The following GRIA4 variants were observed in gnomAD, a reference collection of about 807,000 sequenced individuals.
GRIA4 encodes the protein glutamate receptor 4.
A neutral mutation model predicts 104.0 loss-of-function variants in GRIA4; 34 were observed. The ratio of observed to expected loss-of-function variants is 0.33; its 90% CI spans 0.25 to 0.44. GRIA4 has a LOEUF of 0.44. Among genes scored for constraint, GRIA4 ranks in the 20% least tolerant of loss-of-function variants. The pLI is 1.00. For synonymous variants in GRIA4, 386 were observed against 381.9 expected, an observed-to-expected ratio of 1.01 and a Z score of -0.13; for missense variants, 750 against 1,096.5, an observed-to-expected ratio of 0.68 and a Z score of 4.46.
intron 14 of GRIA4, among the ~76,000 whole-genome samples, chr11:105,962,936 T>A (rs1017552524): frequency 1.3e-5 from 2 of 152,154 alleles, no homozygotes; most frequent in Admixed American, 6.5e-5. Context: ...GCTTGGCAGA[T>A]CACTATTACA....
At chr11:105,620,463 T>C (rs1339341581) in intron 3 of GRIA4, among the ~76,000 whole-genome samples, 1 of 151,858 alleles carries the variant, frequency 6.6e-6, no homozygotes, top group Non-Finnish European at 1.5e-5. Context: ...CTGCCATTCA[T>C]ACCACAGCAT....
At chr11:105,970,877 G>A (rs1230865623) in intron 14 of GRIA4, among the ~76,000 whole-genome samples, 1 of 152,158 alleles carries the variant, frequency 6.6e-6, no homozygotes, top group Non-Finnish European at 1.5e-5. Flanking sequence ...ATTGTAATAT[G>A]GGAGTGAAAA....
chr11:105,943,423 T>A (rs1161919419), intron 14 of GRIA4, among the ~76,000 whole-genome samples: 1 of 152,048 alleles, frequency 6.6e-6, no homozygotes, highest in Non-Finnish European at 1.5e-5. Flanking sequence ...CTTGTTTTGA[T>A]TTTTTTAGAA....
intron 3 of GRIA4, among the ~76,000 whole-genome samples, chr11:105,750,483 C>G (rs538456520): frequency 1.3e-5 from 2 of 152,066 alleles, no homozygotes; most frequent in South Asian, 4.1e-4. Context: ...GGAAGAATGA[C>G]AGACAACTAT....
At chr11:105,973,395 T>C (rs567319307) in intron 15 of GRIA4, among the ~76,000 whole-genome samples, 1 of 152,228 alleles carries the variant, frequency 6.6e-6, no homozygotes, top group East Asian at 1.9e-4. Context: ...TTGTTACAAT[T>C]TTAGTATCTT....
chr11:105,770,873 G>A (rs1941177200), intron 4 of GRIA4, among the ~76,000 whole-genome samples: 1 of 151,934 alleles, frequency 6.6e-6, no homozygotes, highest in East Asian at 1.9e-4. Flanking sequence ...CTGAACATTC[G>A]TCCATCCATT....
chr11:105,634,696 T>C (rs1056612475), intron 3 of GRIA4, among the ~76,000 whole-genome samples: 1 of 152,192 alleles, frequency 6.6e-6, no homozygotes, highest in African/African-American at 2.4e-5. Context: ...GATTTTTACC[T>C]ATTTAACTAA....
chr11:105,926,863 G>C lies in GRIA4; in HGVS notation c.1970G>C (p.Ser657Thr). Residue 657 changes from serine to threonine, a missense_variant, in exon 13 of 17, where the codon AGT (serine) becomes ACT (threonine). Physicochemically the swap from Ser to Thr is moderately conservative, Grantham distance 58. Transcript: ENST00000282499. ...TVERMVSPIESAEDLAKQTEI... is the reference protein window; with the variant it reads ...TVERMVSPIETAEDLAKQTEI... ...GAGCGAATGGTCTCTCCCATAGAAA[G>C]TGCAGAAGACCTGGCCAAACAAACA... The C allele has an allele frequency of 6.2e-7, 1 of 1,611,988 alleles. No individual in the cohort carries two copies. The highest frequency in any genetic ancestry group is 8.5e-7 in the Non-Finnish European group (1 of 1,178,440).
intron 3 of GRIA4, among the ~76,000 whole-genome samples, chr11:105,749,627 A>G (rs1939878030): frequency 6.6e-6 from 1 of 152,228 alleles, no homozygotes; most frequent in South Asian, 2.1e-4. Flanking sequence ...CACAAATTAT[A>G]TAATCATTTG....
intron 4 of GRIA4, among the ~76,000 whole-genome samples, chr11:105,768,152 A>G (rs929243683): frequency 1.4e-4 from 22 of 152,270 alleles, no homozygotes; most frequent in African/African-American, 4.1e-4. Context: ...TGGCTGTACT[A>G]TGAGAGCACA....
intron 14 of GRIA4, among the ~76,000 whole-genome samples, chr11:105,948,863 T>C (rs1182059413): frequency 6.6e-6 from 1 of 152,124 alleles, no homozygotes; most frequent in South Asian, 2.1e-4. Context: ...AGTGCTGAGA[T>C]GACAGGCATG....
intron 3 of GRIA4, among the ~76,000 whole-genome samples, chr11:105,624,466 G>A (rs1412256027): frequency 2.0e-5 from 3 of 152,036 alleles, no homozygotes; most frequent in Non-Finnish European, 4.4e-5. Context: ...GGAAAGAGAA[G>A]GTTAGAGTCA....
chr11:105,800,865 T>C (rs950837469), intron 4 of GRIA4, among the ~76,000 whole-genome samples: 4 of 152,012 alleles, frequency 2.6e-5, no homozygotes, highest in African/African-American at 9.6e-5. Context: ...ATGAGCTTCT[T>C]AATATTAGCC....
intron 4 of GRIA4, among the ~76,000 whole-genome samples, chr11:105,794,473 GTATATATATATATATATATATA>G (rs71041629): frequency 5.5e-4 from 24 of 43,884 alleles, no homozygotes; most frequent in East Asian, 2.1e-3. Flanking sequence ...GTATATGTAT[GTATATATATATATATATATATA>G]TATATATATA....
At chr11:105,892,470 T>C (rs1946490912) in intron 6 of GRIA4, among the ~76,000 whole-genome samples, 1 of 152,028 alleles carries the variant, frequency 6.6e-6, no homozygotes, top group Admixed American at 6.6e-5. Context: ...TCCTCCACCA[T>C]GTCACACACA....
chr11:105,710,385 G>C lies in GRIA4; in HGVS notation c.248-42596G>C, dbSNP rs1953869122. Among the ~76,000 whole-genome samples the C allele has an allele frequency of 2.0e-5, 3 of 152,002 alleles. No homozygotes were observed. In the South Asian group the frequency reaches 6.2e-4, roughly 31 times the overall value. ...GGAAGAGACCCTTAAAATGAGTTCT[G>C]TTCTCACATTACATTGTCAGAAAAA... On this transcript the variant is annotated intron_variant, in intron 3 of 16. Coordinates refer to ENST00000282499, the MANE Select transcript of GRIA4 (RefSeq NM_000829.4).
intron 3 of GRIA4, among the ~76,000 whole-genome samples, chr11:105,694,663 T>C (rs1953206337): frequency 6.6e-6 from 1 of 152,116 alleles, no homozygotes; most frequent in Admixed American, 6.5e-5. Context: ...ATATTTAAAG[T>C]TCCTAAAGTT....
At chr11:105,795,082 T>C (rs1942424457) in intron 4 of GRIA4, among the ~76,000 whole-genome samples, 1 of 152,174 alleles carries the variant, frequency 6.6e-6, no homozygotes, top group African/African-American at 2.4e-5. Flanking sequence ...TGAAATTGAA[T>C]TTCAGTTACA....
intron 4 of GRIA4, among the ~76,000 whole-genome samples, chr11:105,854,324 T>G (rs1944932499): frequency 6.6e-6 from 1 of 152,052 alleles, no homozygotes; most frequent in Admixed American, 6.6e-5. Flanking sequence ...GGTAGAAACC[T>G]AAGAACATAA....
Sources: allele counts gnomAD v4.1 joint callset (sites outside exome capture counted in the v4.1 genomes callset), GRCh38; gene constraint gnomAD v4.1.1; transcripts MANE v1.5; gene names NCBI Gene and HGNC (gene_info 2026-07-23, HGNC 2026-07-21).